AGO3: variants seen among roughly 807,000 people sequenced by gnomAD.
AGO3 encodes the protein protein argonaute-3.
In AGO3, 16 loss-of-function variants were observed where a neutral mutation model predicts 105.5. The ratio of observed to expected loss-of-function variants is 0.15; its 90% CI spans 0.10 to 0.23. AGO3 has a LOEUF of 0.23. Ranked by LOEUF, AGO3 falls within the 10% of genes least tolerant of loss-of-function variation. The pLI is 1.00. For synonymous variants in AGO3, 340 were observed against 367.3 expected (o/e 0.93, Z 0.85); for missense variants, 534 against 1,088.0 (o/e 0.49, Z 7.16).
chr1:36,031,915 G>A lies in AGO3; in HGVS notation c.1592-2259G>A, dbSNP rs141213490. Among the ~76,000 whole-genome samples, 804 of 151,748 alleles carry A rather than the reference G, an allele frequency of 5.3e-3. 10 individuals are homozygous for A. The highest frequency in any genetic ancestry group is 6.1e-3 in the Non-Finnish European group (416 of 67,932). On this transcript the variant is annotated intron_variant, in intron 12 of 18. Coordinates refer to ENST00000373191, the MANE Select transcript of AGO3 (RefSeq NM_024852.4). ...GTGTGTGTGGGGGGGCGGGGGGTGT[G>A]TGTGTGTGTGTATACACCACATCTT...
chr1:36,004,082 G>T, intron 5 of AGO3: 1 of 293,940 alleles, frequency 3.4e-6, no homozygotes, highest in Non-Finnish European at 6.2e-6. Context: ...GTCTCACCCA[G>T]AACACTTCTC....
intron 5 of AGO3, among the ~76,000 whole-genome samples, chr1:35,980,621 T>C (rs182913171): frequency 7.9e-5 from 12 of 152,342 alleles, no homozygotes; most frequent in East Asian, 5.8e-4. Flanking sequence ...TGTGGAATTG[T>C]TGGCTCACAC....
chr1:35,941,920 A>G (rs1307028832), intron 1 of AGO3, among the ~76,000 whole-genome samples: 1 of 152,190 alleles, frequency 6.6e-6, no homozygotes, highest in African/African-American at 2.4e-5. Context: ...AAATTTTAGA[A>G]TTTGTGGATT....
rs545870566 is a variant in AGO3 at position 36,038,391 on chromosome 1, G to A, written c.1843-1399G>A. ...CTGCCTCAGCCTCCTGAGTAGCTGG[G>A]ACTACAGGTGCACGCTGACACACCC... is the stretch of plus-strand genomic sequence containing the variant. On this transcript the variant is annotated intron_variant, in intron 14 of 18. Transcript: ENST00000373191. Among the ~76,000 whole-genome samples the A allele has an allele frequency of 1.3e-3, 194 of 151,964 alleles. 1 individual carries two copies. Among genetic ancestry groups the A allele is most frequent in the Non-Finnish European group, 2.5e-3 (167 of 67,976 alleles).
chr1:36,026,251 G>T (rs1043814669), intron 11 of AGO3, among the ~76,000 whole-genome samples: 2 of 152,004 alleles, frequency 1.3e-5, no homozygotes, highest in Non-Finnish European at 2.9e-5. Context: ...AGGGACTACA[G>T]GTGCCTGCCA....
chr1:36,040,408 C>T lies in AGO3; in HGVS notation c.2139C>T (p.His713=). 1.2e-6 allele frequency: 2 copies of T among 1,614,068 alleles called. No individual in the cohort carries two copies. The highest frequency in any genetic ancestry group is 2.2e-5 in the South Asian group (2 of 91,080). Residue 713 remains histidine, a synonymous_variant, in exon 16 of 19, where the codon CAC becomes CAT. Transcript: ENST00000373191. The part of the protein sequence containing the change: ...ITYIVVQKRH[H]TRLFCADRTE... Reference sequence around the variant, plus strand: ...ACATTGTAGTTCAGAAGAGACATCACACTCGATTATTTTGTGCTGATAGGA... The same window carrying T: ...ACATTGTAGTTCAGAAGAGACATCATACTCGATTATTTTGTGCTGATAGGA...
At chr1:36,024,247 T>TC (rs1641384822) in intron 11 of AGO3, among the ~76,000 whole-genome samples, 2 of 149,090 alleles carry the variant, frequency 1.3e-5, no homozygotes, top group African/African-American at 5.0e-5. Context: ...CAAACGATCC[T>TC]CCCACCTGAG....
intron 2 of AGO3, among the ~76,000 whole-genome samples, chr1:35,964,966 G>A (rs1445131604): frequency 6.6e-6 from 1 of 151,356 alleles, no homozygotes; most frequent in Non-Finnish European, 1.5e-5. Context: ...ACTTGTTAAT[G>A]GGTTTTTTTT....
At chr1:36,053,088 G>A (rs1055330508) in intron 17 of AGO3, among the ~76,000 whole-genome samples, 2 of 152,094 alleles carry the variant, frequency 1.3e-5, no homozygotes, top group Non-Finnish European at 2.9e-5. Flanking sequence ...AGAGGAGAAA[G>A]ATTCTCTCTT....
Position 36,063,880 on chromosome 1 carries a change from C to T in AGO3, c.*8135C>T, listed in dbSNP as rs1044047030. The T allele has an allele frequency of 1.3e-5, 2 of 152,166 alleles. No individual in the cohort carries two copies. Among genetic ancestry groups the T allele is most frequent in the African/African-American group, 4.8e-5 (2 of 41,434 alleles). 9.4% of individuals were successfully genotyped at this position (152,166 alleles called of 1,614,324 possible). On this transcript the variant is annotated 3_prime_UTR_variant, in exon 19 of 19. Coordinates refer to ENST00000373191, the MANE Select transcript of AGO3 (RefSeq NM_024852.4). ...CCTCCCACCTCAGCCTCTGAAGTAG[C>T]TGGGACTACTCACATGCGCCACCAT...
In AGO3 at chr1:36,066,675, A is replaced by C. The variant is rs1260566467; in HGVS notation, c.*10930A>C. The C allele has an allele frequency of 6.6e-6, 1 of 152,210 alleles. No individual in the cohort carries two copies. The highest frequency in any genetic ancestry group is 1.5e-5 in the Non-Finnish European group (1 of 68,022). The allele number at this position is 152,210 out of a possible 1,614,324, so 9.4% of individuals were successfully genotyped here. ...AAAACAAACAAAAATCTCTTAAGTT[A>C]GTCCTTTAATAGTCTTTTTAGAACC... On this transcript the variant is annotated 3_prime_UTR_variant, in exon 19 of 19. Transcript: ENST00000373191.
chr1:35,984,171 AT>A (rs1432427146), intron 5 of AGO3, among the ~76,000 whole-genome samples: 1 of 152,186 alleles, frequency 6.6e-6, no homozygotes. Flanking sequence ...GGGGAAACAT[AT>A]CCAAAAAATA....
At chr1:35,958,964 C>A (rs1489568030) in intron 2 of AGO3, among the ~76,000 whole-genome samples, 1 of 152,066 alleles carries the variant, frequency 6.6e-6, no homozygotes, top group Non-Finnish European at 1.5e-5. Context: ...GGAAAATATT[C>A]TTTCATGTTG....
chr1:35,992,823 T>C (rs930004419), intron 5 of AGO3, among the ~76,000 whole-genome samples: 3 of 152,156 alleles, frequency 2.0e-5, no homozygotes, highest in African/African-American at 7.2e-5. Flanking sequence ...GAGTTAGGAG[T>C]GACTTCGATG....
intron 1 of AGO3, among the ~76,000 whole-genome samples, chr1:35,938,066 C>T (rs1398986744): frequency 6.6e-6 from 1 of 151,282 alleles, no homozygotes; most frequent in African/African-American, 2.4e-5. Context: ...CTGCAACCTC[C>T]GCCTCCTGGG....
intron 12 of AGO3, among the ~76,000 whole-genome samples, chr1:36,032,720 T>C (rs1435839313): frequency 1.3e-5 from 2 of 151,226 alleles, no homozygotes; most frequent in Non-Finnish European, 2.9e-5. Flanking sequence ...CTGGGTGCAG[T>C]GGCTCACACC....
intron 2 of AGO3, among the ~76,000 whole-genome samples, chr1:35,953,501 G>C (rs1284697467): frequency 6.6e-6 from 1 of 151,652 alleles, no homozygotes; most frequent in East Asian, 1.9e-4. Flanking sequence ...TTTATTTGGA[G>C]AAATGTCTAT....
At chr1:35,962,632 A>G (rs942294282) in intron 2 of AGO3, among the ~76,000 whole-genome samples, 1 of 152,152 alleles carries the variant, frequency 6.6e-6, no homozygotes, top group East Asian at 1.9e-4. Context: ...GAGAACTCAG[A>G]TTGATTTATA....
chr1:36,020,840 C>A (rs1282385529), intron 11 of AGO3, among the ~76,000 whole-genome samples: 3 of 152,000 alleles, frequency 2.0e-5, no homozygotes, highest in Non-Finnish European at 4.4e-5. Flanking sequence ...TAGTCTCGAA[C>A]TCCTGACCTC....
Sources: allele counts gnomAD v4.1 joint callset (sites outside exome capture counted in the v4.1 genomes callset), GRCh38; gene constraint gnomAD v4.1.1; transcripts MANE v1.5; gene names NCBI Gene and HGNC (gene_info 2026-07-23, HGNC 2026-07-21).